Variants in PTPRK observed in about 807,000 individuals in gnomAD.
PTPRK encodes protein tyrosine phosphatase receptor type K.
A neutral mutation model predicts 178.0 loss-of-function variants in PTPRK; 75 were observed. The observed-to-expected ratio is 0.42, with a 90% CI of 0.35 to 0.51. PTPRK has a LOEUF of 0.51. Ranked by LOEUF, PTPRK falls within the 20% of genes least tolerant of loss-of-function variation. The pLI is 0.02. For synonymous variants in PTPRK, 637 were observed against 620.6 expected, an observed-to-expected ratio of 1.03 and a Z score of -0.39; for missense variants, 1,441 against 1,797.8, an observed-to-expected ratio of 0.80 and a Z score of 3.59.
chr6:128,261,601 A>G (rs750554897), intron 3 of PTPRK, among the ~76,000 whole-genome samples: 36 of 152,220 alleles, frequency 2.4e-4, no homozygotes, highest in Non-Finnish European at 4.1e-4. Flanking sequence ...ATTGTCTGCC[A>G]CAAGAAAAAT....
At chr6:128,119,689 T>C (rs1381793027) in intron 7 of PTPRK, among the ~76,000 whole-genome samples, 1 of 152,002 alleles carries the variant, frequency 6.6e-6, no homozygotes, top group African/African-American at 2.4e-5. Flanking sequence ...CATGGTTACT[T>C]CTCCTTTCAC....
rs142521180 is a variant in PTPRK at position 128,038,398 on chromosome 6, A to G, written c.2194+26360T>C. Among the ~76,000 whole-genome samples the G allele has an allele frequency of 7.8e-4, 117 of 150,766 alleles. 1 individual carries two copies. The highest frequency in any genetic ancestry group is 6.8e-3 in the Middle Eastern group (2 of 294). On this transcript the variant is annotated intron_variant, in intron 13 of 29. Transcript: ENST00000368226. Reference sequence around the variant, plus strand: ...CACATTTGCCTCTACCAACTAGCTTATCTAATGAATCTCAATTTATTTGTA... The same window carrying G: ...CACATTTGCCTCTACCAACTAGCTTGTCTAATGAATCTCAATTTATTTGTA...
chr6:128,440,586 T>C (rs999895254), intron 1 of PTPRK, among the ~76,000 whole-genome samples: 16 of 152,316 alleles, frequency 1.1e-4, no homozygotes, highest in African/African-American at 3.8e-4. Flanking sequence ...ATCCTTAATT[T>C]CTATGTATAT....
intron 1 of PTPRK, among the ~76,000 whole-genome samples, chr6:128,441,626 G>C (rs1846294798): frequency 6.6e-6 from 1 of 152,072 alleles, no homozygotes; most frequent in South Asian, 2.1e-4. Context: ...ATACACATAA[G>C]CTTGGGAGTC....
chr6:128,423,960 C>A (rs920667674), intron 1 of PTPRK, among the ~76,000 whole-genome samples: 1 of 151,896 alleles, frequency 6.6e-6, no homozygotes, highest in African/African-American at 2.4e-5. Context: ...GTGGCTTACA[C>A]CTGTAATCCC....
intron 7 of PTPRK, among the ~76,000 whole-genome samples, chr6:128,159,511 G>A (rs923658234): frequency 6.6e-6 from 1 of 151,662 alleles, no homozygotes; most frequent in Non-Finnish European, 1.5e-5. Flanking sequence ...TCCTACTCAC[G>A]GGTTGTAAGC....
At chr6:128,508,702 G>A (rs1856723906) in intron 1 of PTPRK, among the ~76,000 whole-genome samples, 1 of 151,984 alleles carries the variant, frequency 6.6e-6, no homozygotes, top group Non-Finnish European at 1.5e-5. Context: ...CCCGCACTTT[G>A]GGAGGCTGAG....
At chr6:128,407,786 T>C (rs1841865768) in intron 1 of PTPRK, among the ~76,000 whole-genome samples, 1 of 152,106 alleles carries the variant, frequency 6.6e-6, no homozygotes, top group Non-Finnish European at 1.5e-5. Flanking sequence ...ATCTATCAAA[T>C]TGTAAGGTTT....
intron 2 of PTPRK, among the ~76,000 whole-genome samples, chr6:128,375,822 T>C (rs1208522223): frequency 6.6e-6 from 1 of 152,116 alleles, no homozygotes; most frequent in Non-Finnish European, 1.5e-5. Context: ...TAGGAGAAAT[T>C]GGCCAAAACA....
At chr6:128,423,918 G>C (rs1336493190) in intron 1 of PTPRK, among the ~76,000 whole-genome samples, 2 of 151,720 alleles carry the variant, frequency 1.3e-5, no homozygotes, top group African/African-American at 4.8e-5. Flanking sequence ...ATAATATGTG[G>C]TGCAAAAAAA....
At chr6:128,321,918 G>C in intron 3 of PTPRK, 121 bp downstream of exon 3, 1 of 1,271,040 alleles carries the variant, frequency 7.9e-7, no homozygotes, top group South Asian at 1.2e-5. Flanking sequence ...CAATAATGGG[G>C]GTGGGGGAGG....
chr6:128,321,204 T>A (rs1828739389), intron 3 of PTPRK: 1 of 152,416 alleles, frequency 6.6e-6, no homozygotes, highest in Non-Finnish European at 1.5e-5. Context: ...CTCTTTAGGC[T>A]TTATAATAAG....
At chr6:128,160,208 C>A (rs539140890) in intron 7 of PTPRK, among the ~76,000 whole-genome samples, 3 of 151,600 alleles carry the variant, frequency 2.0e-5, no homozygotes, top group South Asian at 2.1e-4. Context: ...GTGATAACTA[C>A]ATTCATTCTA....
chr6:128,508,935 G>A (rs561673759), intron 1 of PTPRK, among the ~76,000 whole-genome samples: 16 of 134,684 alleles, frequency 1.2e-4, no homozygotes, highest in African/African-American at 1.6e-4. Context: ...CAATAAGTGC[G>A]AAACTCCATC....
At chr6:128,320,180 G>A (rs892326231) in intron 3 of PTPRK, among the ~76,000 whole-genome samples, 3 of 152,126 alleles carry the variant, frequency 2.0e-5, no homozygotes, top group South Asian at 2.1e-4. Flanking sequence ...CACATATAAC[G>A]AAGGGGGTTT....
intron 7 of PTPRK, among the ~76,000 whole-genome samples, chr6:128,093,596 C>CAAAAAAAAA (rs1172145765): frequency 4.8e-4 from 3 of 6,268 alleles, no homozygotes; most frequent in Non-Finnish European, 6.2e-4. Context: ...GACTCTCTCT[C>CAAAAAAAAA]AAAAAAAAAA....
At chr6:128,340,686 G>A (rs1022798181) in intron 2 of PTPRK, 5 of 379,460 alleles carry the variant, frequency 1.3e-5, no homozygotes, top group Admixed American at 3.7e-5. Flanking sequence ...AACATCCTTT[G>A]TTATTTAATA....
intron 2 of PTPRK, among the ~76,000 whole-genome samples, chr6:128,379,322 T>C (rs1352286181): frequency 1.3e-5 from 2 of 152,148 alleles, no homozygotes; most frequent in African/African-American, 4.8e-5. Flanking sequence ...AGTCTCATTC[T>C]TTGAGATATT....
At chr6:128,077,464 C>T (rs577873833) in intron 11 of PTPRK, among the ~76,000 whole-genome samples, 5 of 151,940 alleles carry the variant, frequency 3.3e-5, no homozygotes, top group East Asian at 1.9e-4. Context: ...ATTCTTTTGT[C>T]AATACATTTC....
Sources: gnomAD v4.1 joint callset for allele counts (sites outside exome capture counted in the v4.1 genomes callset) on GRCh38, gnomAD v4.1.1 for gene constraint, MANE v1.5 for transcripts, NCBI Gene and HGNC (gene_info 2026-07-23, HGNC 2026-07-21) for gene names.